The following LDLRAD4 variants were observed in gnomAD, a reference collection of about 807,000 sequenced individuals.
LDLRAD4 encodes the protein low density lipoprotein receptor class A domain containing 4, also known as low-density lipoprotein receptor class A domain-containing protein 4.
In LDLRAD4, 5 loss-of-function variants were observed where a neutral mutation model predicts 17.0. The observed-to-expected ratio is 0.29, with a 90% CI of 0.15 to 0.62. LDLRAD4 has a LOEUF of 0.62. Among genes scored for constraint, LDLRAD4 ranks in the 20% least tolerant of loss-of-function variants. The pLI, the probability that LDLRAD4 is intolerant of heterozygous loss-of-function variation, is 0.84. For missense variants in LDLRAD4, 340 were observed against 424.7 expected, an observed-to-expected ratio of 0.80 and a Z score of 1.75; for synonymous variants, 168 against 171.8, an observed-to-expected ratio of 0.98 and a Z score of 0.17.
At chr18:13,487,360 G>T (rs1311810153) in intron 3 of LDLRAD4, 1 of 152,344 alleles carries the variant, frequency 6.6e-6, no homozygotes, top group African/African-American at 2.4e-5. Context: ...TCAGAAAGGA[G>T]CATGAAGGGC....
At chr18:13,247,876 C>T (rs1246804439) in intron 1 of LDLRAD4, among the ~76,000 whole-genome samples, 3 of 151,726 alleles carry the variant, frequency 2.0e-5, no homozygotes, top group Non-Finnish European at 4.4e-5. Flanking sequence ...AGCCTTTAGT[C>T]ATGATGTCCA....
chr18:13,347,345 G>A (rs1213087665), intron 1 of LDLRAD4, among the ~76,000 whole-genome samples: 1 of 152,244 alleles, frequency 6.6e-6, no homozygotes, highest in South Asian at 2.1e-4. Context: ...TAGTTTGGCT[G>A]GATATGAAAT....
intron 3 of LDLRAD4, among the ~76,000 whole-genome samples, chr18:13,592,173 T>A (rs1341628369): frequency 1.3e-5 from 2 of 152,246 alleles, no homozygotes; most frequent in African/African-American, 4.8e-5. Context: ...TAGGAAGGAA[T>A]GATATATTTG....
At chr18:13,434,917 G>A (rs1027582276) in intron 2 of LDLRAD4, among the ~76,000 whole-genome samples, 3 of 152,246 alleles carry the variant, frequency 2.0e-5, no homozygotes, top group African/African-American at 7.2e-5. Context: ...TTGGAGCCAG[G>A]CCAGAGGGTG....
intron 3 of LDLRAD4, among the ~76,000 whole-genome samples, chr18:13,504,275 C>T (rs541347958): frequency 6.6e-6 from 1 of 152,324 alleles, no homozygotes; most frequent in African/African-American, 2.4e-5. Context: ...TAATGGGTTG[C>T]TCCGGTTCAC....
In LDLRAD4 at chr18:13,599,773, G is replaced by A. The variant is rs57490099; in HGVS notation, c.182-21344G>A. On this transcript the variant is annotated intron_variant, in intron 3 of 5. Transcript: ENST00000359446. ...CCCATAGTGCTGGGATTACAGGCATGAGCCACCGCACCCGGCCGTGAGTCT... is the reference window on the plus strand; with the variant it reads ...CCCATAGTGCTGGGATTACAGGCATAAGCCACCGCACCCGGCCGTGAGTCT... Among the ~76,000 whole-genome samples, 859 of 152,214 alleles carry A rather than the reference G, an allele frequency of 5.6e-3. 4 individuals carry two copies. Among genetic ancestry groups the A allele is most frequent in the African/African-American group, 0.02 (811 of 41,518 alleles).
intron 3 of LDLRAD4, among the ~76,000 whole-genome samples, chr18:13,454,549 G>A (rs1483519771): frequency 6.6e-6 from 1 of 152,118 alleles, no homozygotes; most frequent in African/African-American, 2.4e-5. Context: ...GAAATCCATC[G>A]GATGAAACAT....
intron 3 of LDLRAD4, among the ~76,000 whole-genome samples, chr18:13,540,929 G>A (rs562876547): frequency 6.6e-6 from 1 of 152,278 alleles, no homozygotes; most frequent in South Asian, 2.1e-4. Context: ...ACCTTCATGT[G>A]GGCACTGAGC....
At chr18:13,568,780 T>G (rs1452140961) in intron 3 of LDLRAD4, among the ~76,000 whole-genome samples, 2 of 152,170 alleles carry the variant, frequency 1.3e-5, no homozygotes, top group Admixed American at 1.3e-4. Context: ...GCCTGCTGAG[T>G]GTAGGTTTCA....
rs570570482 is a variant in LDLRAD4 at position 13,264,797 on chromosome 18, G to A, written c.-466-13308G>A. On this transcript the variant is annotated intron_variant, in intron 1 of 5. Transcript: ENST00000399848. ...TTGCTGAAAAGAGTAGTTGAAGAAT[G>A]TGTCTGGAGAAAGCATATGGGTGCA... is the stretch of plus-strand genomic sequence containing the variant. 2.0e-5 allele frequency among the ~76,000 whole-genome samples: 3 copies of A among 152,356 alleles called. No homozygotes were observed. In the East Asian group the frequency reaches 5.8e-4, roughly 29 times the overall value.
chr18:13,279,785 C>A (rs1209599128), intron 1 of LDLRAD4: 1 of 152,246 alleles, frequency 6.6e-6, no homozygotes, highest in Non-Finnish European at 1.5e-5. Context: ...ACTATCTCTG[C>A]AGAACTGCGT....
intron 3 of LDLRAD4, among the ~76,000 whole-genome samples, chr18:13,552,207 C>T (rs1270024908): frequency 6.6e-6 from 1 of 152,212 alleles, no homozygotes; most frequent in Admixed American, 6.5e-5. Context: ...CCTAGGCCTG[C>T]AGCTCCCAGC....
intron 1 of LDLRAD4, among the ~76,000 whole-genome samples, chr18:13,259,643 A>G (rs1159911249): frequency 6.6e-6 from 1 of 152,106 alleles, no homozygotes; most frequent in Non-Finnish European, 1.5e-5. Flanking sequence ...ATTTTCTTCC[A>G]CTTGTTTCTT....
intron 2 of LDLRAD4, among the ~76,000 whole-genome samples, chr18:13,401,195 G>A (rs1397409059): frequency 2.6e-5 from 4 of 152,320 alleles, no homozygotes; most frequent in Non-Finnish European, 4.4e-5. Context: ...TTGGGGAACA[G>A]TGTGTCAGTT....
chr18:13,248,407 C>T (rs2145789275), intron 1 of LDLRAD4, among the ~76,000 whole-genome samples: 1 of 152,366 alleles, frequency 6.6e-6, no homozygotes, highest in South Asian at 2.1e-4. Flanking sequence ...TCCTCCTTTG[C>T]CCTGGCAGAG....
intron 1 of LDLRAD4, chr18:13,241,186 CGAAAT>C (rs1304920568): frequency 6.6e-6 from 1 of 152,214 alleles, no homozygotes; most frequent in Non-Finnish European, 1.5e-5. Flanking sequence ...CTCGGCCTCC[CGAAAT>C]GCTGGGATTA....
intron 4 of LDLRAD4, among the ~76,000 whole-genome samples, chr18:13,633,463 G>C (rs758171276): frequency 7.9e-5 from 12 of 152,154 alleles, no homozygotes; most frequent in Non-Finnish European, 1.5e-4. Context: ...CAGGCTGTTG[G>C]TGTCAAGGGG....
At chr18:13,394,967 T>TATGG (rs2086541896) in intron 2 of LDLRAD4, among the ~76,000 whole-genome samples, 1 of 152,176 alleles carries the variant, frequency 6.6e-6, no homozygotes, top group South Asian at 2.1e-4. Context: ...TCTGTTAGTG[T>TATGG]ATGGATGTCT....
At chr18:13,384,042 G>A (rs551611469) in intron 1 of LDLRAD4, among the ~76,000 whole-genome samples, 3 of 152,224 alleles carry the variant, frequency 2.0e-5, no homozygotes, top group Admixed American at 6.5e-5. Flanking sequence ...GTTGGGAACC[G>A]CACACATCAC....
Sources: allele counts gnomAD v4.1 joint callset (sites outside exome capture counted in the v4.1 genomes callset), GRCh38; gene constraint gnomAD v4.1.1; transcripts MANE v1.5; gene names NCBI Gene and HGNC (gene_info 2026-07-23, HGNC 2026-07-21).